The following TRPC5 variants were observed in gnomAD, a reference collection of about 807,000 sequenced individuals.
TRPC5 encodes transient receptor potential cation channel subfamily C member 5.
In TRPC5, 9 loss-of-function variants were observed where a neutral mutation model predicts 56.5. The observed-to-expected ratio is 0.16, with a 90% confidence interval of 0.10 to 0.28. The LOEUF (loss-of-function observed/expected upper bound fraction) is 0.28, where lower values mean the gene tolerates loss of function less well. Ranked by LOEUF, TRPC5 falls within the 10% of genes least tolerant of loss-of-function variation. The pLI, the probability that TRPC5 is intolerant of heterozygous loss-of-function variation, is 1.00. For missense variants in TRPC5, 469 were observed against 748.9 expected, an observed-to-expected ratio of 0.63 and a Z score of 4.36; for synonymous variants, 282 against 278.5, an observed-to-expected ratio of 1.01 and a Z score of -0.13.
At chrX:111,797,371 G>C (rs1255837768) in intron 7 of TRPC5, among the ~76,000 whole-genome samples, 2 of 111,990 alleles carry the variant, frequency 1.8e-5, no homozygotes, top group African/African-American at 6.5e-5. Flanking sequence ...TGAATTAGAG[G>C]ATTCTGTTGA....
intron 3 of TRPC5, among the ~76,000 whole-genome samples, chrX:111,888,648 C>T (rs1924637135): frequency 1.2e-5 from 1 of 85,008 alleles, no homozygotes; most frequent in Non-Finnish European, 2.2e-5. Context: ...GAGCTGAGAT[C>T]ATGCCACTGT....
chrX:111,852,313 A>G lies in TRPC5; in HGVS notation c.1362T>C (p.Ile454=). 1 of 1,209,208 alleles carries G rather than the reference A, an allele frequency of 8.3e-7. No homozygotes were observed. Among genetic ancestry groups the G allele is most frequent in the Non-Finnish European group, 1.1e-6 (1 of 894,271 alleles). The change falls in exon 5 of 11, where the codon ATT becomes ATC. Residue 454 remains isoleucine (I), a synonymous_variant. Transcript: ENST00000262839. ...TCCAATTTACCTTGACATAGGCCAC[A>G]ATCTTCAGGGAAATAGTTGCCAGGT... ...SLYLATISLK[I]VAYVKYNGSR...
At chrX:111,936,590 C>T (rs1427857488) in intron 2 of TRPC5, among the ~76,000 whole-genome samples, 8 of 104,188 alleles carry the variant, frequency 7.7e-5, no homozygotes, top group African/African-American at 1.4e-4. Flanking sequence ...TGAGAATATG[C>T]GGTGTTTGGT....
At position 111,805,961 on chromosome X, in the gene TRPC5, A is replaced by G. The variant is rs185307973; in HGVS notation, c.1897-23823T>C. Reference sequence around the variant, plus strand: ...GTGCTGGGATTACAGCACTTGGCCAATATTTTCTATAAATTGCTAAATCTG... The same window carrying G: ...GTGCTGGGATTACAGCACTTGGCCAGTATTTTCTATAAATTGCTAAATCTG... On this transcript the variant is annotated intron_variant, in intron 7 of 10. Transcript: ENST00000262839. Among the ~76,000 whole-genome samples, 7 of 111,441 alleles carry G rather than the reference A, an allele frequency of 6.3e-5. No individual in the cohort carries two copies. In the East Asian group the frequency reaches 8.5e-4, roughly 13 times the overall value.
At position 111,931,968 on chromosome X, in the gene TRPC5, T is replaced by C. The variant is rs183572154; in HGVS notation, c.379-19156A>G. On this transcript the variant is annotated intron_variant, in intron 2 of 10. Coordinates refer to ENST00000262839, the MANE Select transcript of TRPC5 (RefSeq NM_012471.3). ...TATTATTACTAGACACAGAGAATGT[T>C]AAATGTTTGGAGTCCATCCAGGTGG... Among the ~76,000 whole-genome samples the C allele has an allele frequency of 3.6e-5, 4 of 112,158 alleles. No individual in the cohort carries two copies. In the East Asian group the frequency reaches 1.1e-3, roughly 32 times the overall value.
intron 1 of TRPC5, among the ~76,000 whole-genome samples, chrX:111,971,675 T>C (rs892694241): frequency 2.7e-5 from 3 of 111,746 alleles, no homozygotes; most frequent in Non-Finnish European, 5.6e-5. Context: ...TAAGAGGTTT[T>C]CTTCCCTTGT....
chrX:111,984,621 A>T (rs1368203848), intron 1 of TRPC5, among the ~76,000 whole-genome samples: 1 of 111,849 alleles, frequency 8.9e-6, no homozygotes, highest in Non-Finnish European at 1.9e-5. Flanking sequence ...TCTTACCAAT[A>T]AGCCTAGAAT....
intron 7 of TRPC5, among the ~76,000 whole-genome samples, chrX:111,793,228 C>T (rs1051383761): frequency 2.1e-4 from 23 of 111,408 alleles, no homozygotes; most frequent in Middle Eastern, 4.7e-3. Context: ...CCCGAAGGAG[C>T]CTCTCCCAGA....
intron 2 of TRPC5, among the ~76,000 whole-genome samples, chrX:111,938,413 C>T (rs1247384698): frequency 2.8e-5 from 3 of 108,804 alleles, no homozygotes; most frequent in Admixed American, 2.0e-4. Flanking sequence ...GAAGGCATCC[C>T]TGTCTTGTGC....
At chrX:111,986,122 C>T (rs1928203027) in intron 1 of TRPC5, among the ~76,000 whole-genome samples, 1 of 102,320 alleles carries the variant, frequency 9.8e-6, no homozygotes, top group Admixed American at 1.0e-4. Context: ...TTGAATCTTT[C>T]CTCTACATTA....
chrX:111,934,208 A>G (rs1443953381), intron 2 of TRPC5, among the ~76,000 whole-genome samples: 2 of 107,963 alleles, frequency 1.9e-5, no homozygotes, highest in African/African-American at 6.7e-5. Context: ...AACCAGTGCC[A>G]TAAAGTGTTT....
chrX:112,037,901 G>A (rs989781840), intron 1 of TRPC5, among the ~76,000 whole-genome samples: 4 of 111,357 alleles, frequency 3.6e-5, no homozygotes, highest in Non-Finnish European at 7.5e-5. Context: ...CATTTTGGGA[G>A]GTGTCTAAAT....
chrX:111,840,015 A>G (rs1412503714), intron 6 of TRPC5, among the ~76,000 whole-genome samples: 1 of 111,644 alleles, frequency 9.0e-6, no homozygotes, highest in Non-Finnish European at 1.9e-5. Flanking sequence ...CTAAAAATAC[A>G]AAAAATTAGC....
intron 1 of TRPC5, among the ~76,000 whole-genome samples, chrX:111,992,549 T>C (rs1928383381): frequency 9.1e-6 from 1 of 110,160 alleles, no homozygotes; most frequent in African/African-American, 3.3e-5. Flanking sequence ...TCTTTAAATC[T>C]TATTCTCCCA....
At chrX:111,929,464 G>A (rs1926348850) in intron 2 of TRPC5, among the ~76,000 whole-genome samples, 2 of 112,523 alleles carry the variant, frequency 1.8e-5, no homozygotes, top group East Asian at 2.8e-4. Context: ...GGACTAGATT[G>A]CCACTATATT....
intron 1 of TRPC5, among the ~76,000 whole-genome samples, chrX:112,023,246 G>GTTTTTTTTTTTTT (rs1163231468): frequency 1.2e-4 from 7 of 56,673 alleles, no homozygotes; most frequent in Non-Finnish European, 1.6e-4. Context: ...TTTTTTTTTT[G>GTTTTTTTTTTTTT]TTTTTTTTTT....
intron 2 of TRPC5, among the ~76,000 whole-genome samples, chrX:111,919,236 C>T (rs1019496146): frequency 2.7e-5 from 3 of 111,460 alleles, no homozygotes; most frequent in African/African-American, 9.8e-5. Flanking sequence ...CTGTAGCTAG[C>T]TAGAGGTTTG....
At chrX:111,853,597 G>T (rs1347915977) in intron 4 of TRPC5, among the ~76,000 whole-genome samples, 173 bp downstream of exon 4, 1 of 111,598 alleles carries the variant, frequency 9.0e-6, no homozygotes, top group East Asian at 2.8e-4. Context: ...ATGGACCAGT[G>T]CCCGGGACAG....
At chrX:111,961,503 C>T (rs1927379958) in intron 1 of TRPC5, among the ~76,000 whole-genome samples, 2 of 111,922 alleles carry the variant, frequency 1.8e-5, no homozygotes, top group South Asian at 3.7e-4. Context: ...ATGCTTTCTA[C>T]CATTCTGTGT....
Sources: allele counts gnomAD v4.1 joint callset (sites outside exome capture counted in the v4.1 genomes callset), GRCh38; gene constraint gnomAD v4.1.1; transcripts MANE v1.5; gene names NCBI Gene and HGNC (gene_info 2026-07-23, HGNC 2026-07-21).